ZNF143: variants seen among roughly 807,000 people sequenced by gnomAD.
ZNF143 encodes SPH-binding factor.
A neutral mutation model predicts 74.1 loss-of-function variants in ZNF143; 49 were observed. That is an observed-to-expected ratio of 0.66 (90% CI 0.53 to 0.84). ZNF143 has a LOEUF of 0.84. Among genes scored for constraint, ZNF143 ranks in the 40% least tolerant of loss-of-function variants. The pLI is 0.00. For synonymous variants in ZNF143, 304 were observed against 282.8 expected (o/e 1.07, Z -0.75); for missense variants, 637 against 793.4 (o/e 0.80, Z 2.37).
At chr11:9,521,487 T>C (rs1403878023) in intron 14 of ZNF143, among the ~76,000 whole-genome samples, 3 of 152,160 alleles carry the variant, frequency 2.0e-5, no homozygotes, top group Admixed American at 1.3e-4. Flanking sequence ...AAGATTGGTA[T>C]TATTTCTCCA....
intron 12 of ZNF143, among the ~76,000 whole-genome samples, chr11:9,510,930 A>G (rs1848518014): frequency 6.6e-6 from 1 of 152,072 alleles, no homozygotes; most frequent in Non-Finnish European, 1.5e-5. Flanking sequence ...TACCTCAGAT[A>G]ATATGCCATA....
At chr11:9,497,138 G>A (rs1190615337) in intron 9 of ZNF143, among the ~76,000 whole-genome samples, 2 of 152,136 alleles carry the variant, frequency 1.3e-5, no homozygotes, top group Admixed American at 1.3e-4. Context: ...TAAAACTGAG[G>A]CACTTTAGAA....
intron 1 of ZNF143, 101 bp downstream of exon 1, chr11:9,461,177 C>G (rs966996701): frequency 4.6e-5 from 34 of 741,658 alleles, no homozygotes; most frequent in Non-Finnish European, 5.6e-5. Context: ...GGCTCCGGCT[C>G]CCGCTGCTCA....
intron 11 of ZNF143, among the ~76,000 whole-genome samples, chr11:9,504,683 T>C (rs1484332576): frequency 1.7e-5 from 2 of 115,072 alleles, no homozygotes; most frequent in African/African-American, 2.8e-5. Flanking sequence ...CTTTTTTTTT[T>C]TTTTTTTTTG....
At chr11:9,523,659 G>T (rs375084800) in intron 14 of ZNF143, among the ~76,000 whole-genome samples, 1 of 151,928 alleles carries the variant, frequency 6.6e-6, no homozygotes, top group Non-Finnish European at 1.5e-5. Flanking sequence ...GCGTGAACCC[G>T]GGAGGCGGAG....
At position 9,461,048 on chromosome 11, in the gene ZNF143, G is replaced by C. The variant is rs1855784760; in HGVS notation, c.-36G>C. 2 of 985,866 alleles carry C rather than the reference G, an allele frequency of 2.0e-6. No individual in the cohort carries two copies. The highest frequency in any genetic ancestry group is 2.4e-6 in the Non-Finnish European group (2 of 830,076). 61.1% of individuals were successfully genotyped at this position (985,866 alleles called of 1,614,324 possible). A position where few individuals can be genotyped will look rare whatever the true frequency, so the allele number is the denominator to read the frequency against. On this transcript the variant is annotated 5_prime_UTR_variant, in exon 1 of 16. Transcript: ENST00000396602. ...CTGTCCTGGTGCATGGTGGTCGGAC[G>C]AAGGAATTGTTGGAAAATTTTCTCG...
chr11:9,479,733 A>G (rs1847164058), intron 7 of ZNF143, among the ~76,000 whole-genome samples, 187 bp downstream of exon 7: 1 of 152,130 alleles, frequency 6.6e-6, no homozygotes, highest in African/African-American at 2.4e-5. Context: ...GGTGGATGCA[A>G]AATGATGCTA....
intron 5 of ZNF143, among the ~76,000 whole-genome samples, chr11:9,475,481 A>G (rs1273779417): frequency 2.6e-5 from 4 of 151,542 alleles, no homozygotes; most frequent in East Asian, 2.0e-4. Context: ...GGGTCTTGCT[A>G]TGTTGCTCAG....
chr11:9,508,584 TA>T (rs752339629), intron 11 of ZNF143, 34 bp from the exon 12 acceptor site: 26 of 1,593,498 alleles, frequency 1.6e-5, no homozygotes, highest in Non-Finnish European at 2.2e-5. Flanking sequence ...CCTACATATG[TA>T]AAAGTTGAAC....
At chr11:9,471,499 C>T in intron 2 of ZNF143, 79 bp downstream of exon 2, 2 of 1,036,684 alleles carry the variant, frequency 1.9e-6, no homozygotes, top group Non-Finnish European at 2.7e-6. Flanking sequence ...CTTCCTAGTT[C>T]CTGATTTAGC....
At chr11:9,469,189 A>G (rs1208050896) in intron 1 of ZNF143, among the ~76,000 whole-genome samples, 3 of 137,800 alleles carry the variant, frequency 2.2e-5, no homozygotes, top group East Asian at 4.2e-4. Context: ...AAATTAGCCT[A>G]TGCTAATTTT....
chr11:9,524,035 G>A (rs141494522), intron 14 of ZNF143, among the ~76,000 whole-genome samples: 2,623 of 136,460 alleles, frequency 0.019, 65 homozygotes, highest in African/African-American at 0.068. Context: ...GCGACAGAGC[G>A]AGACTACCTC....
intron 12 of ZNF143, 40 bp downstream of exon 12, chr11:9,508,886 G>C: frequency 6.5e-7 from 1 of 1,530,280 alleles, no homozygotes; most frequent in Non-Finnish European, 8.9e-7. Flanking sequence ...CTGAGTTTGA[G>C]AATCAACAGT....
intron 11 of ZNF143, among the ~76,000 whole-genome samples, chr11:9,506,262 G>A (rs895903363): frequency 6.6e-6 from 1 of 152,212 alleles, no homozygotes; most frequent in Non-Finnish European, 1.5e-5. Flanking sequence ...AATCCAGGAG[G>A]TGGAGGTTGC....
rs56672880 is a variant in ZNF143, at chr11:9,490,294, C to CTT, written c.646-4339_646-4338dup. On this transcript the variant is annotated intron_variant, in intron 7 of 15. Coordinates refer to ENST00000396602, the MANE Select transcript of ZNF143 (RefSeq NM_003442.6). Reference sequence around the variant, plus strand: ...ACTTAAGCTTTTTTTTTTTTTTTTGCTTTTTTTTTTTTTTGAGACAGGGTC... The same window carrying CTT: ...ACTTAAGCTTTTTTTTTTTTTTTTGCTTTTTTTTTTTTTTTTGAGACAGGGTC... Among the ~76,000 whole-genome samples, 373 of 93,984 alleles carry CTT rather than the reference C, an allele frequency of 4.0e-3. 1 individual carries two copies. Among genetic ancestry groups the CTT allele is most frequent in the Non-Finnish European group, 4.6e-3 (231 of 50,196 alleles). The allele number at this position is 93,984 out of a possible 152,430, so 61.7% of individuals were successfully genotyped here.
intron 11 of ZNF143, among the ~76,000 whole-genome samples, chr11:9,503,379 G>A (rs1848237246): frequency 6.6e-6 from 1 of 152,100 alleles, no homozygotes; most frequent in Non-Finnish European, 1.5e-5. Context: ...ACTTAGGAGT[G>A]GACTTGCTGG....
chr11:9,508,292 A>G (rs924076705), intron 11 of ZNF143, among the ~76,000 whole-genome samples: 2 of 152,240 alleles, frequency 1.3e-5, no homozygotes, highest in Admixed American at 1.3e-4. Flanking sequence ...CTATAACAGT[A>G]TCTAGATTAT....
At chr11:9,461,166 G>A in intron 1 of ZNF143, 90 bp downstream of exon 1, 2 of 821,754 alleles carry the variant, frequency 2.4e-6, no homozygotes, top group Non-Finnish European at 2.9e-6. Flanking sequence ...GCTTGGGCCC[G>A]GGCTCCGGCT....
At chr11:9,483,288 CTTTTTTTTTTT>C (rs58704619) in intron 7 of ZNF143, among the ~76,000 whole-genome samples, 23 of 50,198 alleles carry the variant, frequency 4.6e-4, no homozygotes, top group Non-Finnish European at 6.1e-4. Flanking sequence ...GCCAACATGC[CTTTTTTTTTTT>C]TTTTTTTTTT....
Sources: gnomAD v4.1 joint callset for allele counts (sites outside exome capture counted in the v4.1 genomes callset) on GRCh38, gnomAD v4.1.1 for gene constraint, MANE v1.5 for transcripts, NCBI Gene and HGNC (gene_info 2026-07-23, HGNC 2026-07-21) for gene names.